RIC8B: variants seen among roughly 807,000 people sequenced by gnomAD.
The protein encoded by RIC8B is chaperone Ric-8B.
Under a neutral mutation model 57.5 loss-of-function variants are expected in RIC8B, and 16 were observed. The observed-to-expected ratio is 0.28, with a 90% CI of 0.19 to 0.42. The LOEUF (loss-of-function observed/expected upper bound fraction) is 0.42, where lower values mean the gene tolerates loss of function less well. Ranked by LOEUF, RIC8B falls within the 10% of genes least tolerant of loss-of-function variation. The pLI, the probability that RIC8B is intolerant of heterozygous loss-of-function variation, is 1.00. For synonymous variants in RIC8B, 216 were observed against 250.8 expected (o/e 0.86, Z 1.31); for missense variants, 481 against 677.0 (o/e 0.71, Z 3.21).
At chr12:106,824,612 T>C (rs766194949) in intron 3 of RIC8B, among the ~76,000 whole-genome samples, 17 of 152,004 alleles carry the variant, frequency 1.1e-4, no homozygotes, top group South Asian at 2.1e-4. Flanking sequence ...TTAAGAAGTT[T>C]TGGCTGGGTG....
At chr12:106,801,793 A>G (rs2136230899) in intron 2 of RIC8B, among the ~76,000 whole-genome samples, 1 of 152,354 alleles carries the variant, frequency 6.6e-6, no homozygotes, top group East Asian at 1.9e-4. Flanking sequence ...TTTGTGAAAT[A>G]CAGTTTTTGA....
chr12:106,811,126 T>C (rs888883976), intron 2 of RIC8B, among the ~76,000 whole-genome samples: 25 of 152,244 alleles, frequency 1.6e-4, no homozygotes, highest in African/African-American at 6.0e-4. Flanking sequence ...AGAAACGTAA[T>C]GTGACAATAG....
At chr12:106,880,601 C>T (rs898530216) in intron 9 of RIC8B, among the ~76,000 whole-genome samples, 1 of 152,062 alleles carries the variant, frequency 6.6e-6, no homozygotes, top group Non-Finnish European at 1.5e-5. Flanking sequence ...GAATTCCAGG[C>T]TGTCTGGTGA....
chr12:106,841,338 A>G (rs915662493), intron 4 of RIC8B, among the ~76,000 whole-genome samples: 3 of 152,148 alleles, frequency 2.0e-5, no homozygotes, highest in Non-Finnish European at 2.9e-5. Flanking sequence ...TAACTTTTCA[A>G]CTGACTTGTT....
chr12:106,879,604 G>A lies in RIC8B; in HGVS notation c.1572-6300G>A. ...GTATCTCCCATCCCTAGCTCTTTAA[G>A]AAATTATTTTTTTGGTTTCCATTAG... On this transcript the variant is annotated intron_variant, in intron 9 of 9. Transcript: ENST00000392837. The surrounding 1 kb of genome is among the most constrained non-coding windows in gnomAD (Gnocchi z 4.9). 1.0e-6 allele frequency: 1 copy of A among 985,262 alleles called. No homozygotes were observed. Among genetic ancestry groups the A allele is most frequent in the South Asian group, 4.7e-5 (1 of 21,278 alleles). 61.0% of individuals were successfully genotyped at this position (985,262 alleles called of 1,614,324 possible). A position where few individuals can be genotyped will look rare whatever the true frequency, so the allele number is the denominator to read the frequency against.
intron 3 of RIC8B, among the ~76,000 whole-genome samples, chr12:106,817,192 C>A (rs1471033358): frequency 6.6e-6 from 1 of 152,162 alleles, no homozygotes; most frequent in Non-Finnish European, 1.5e-5. Flanking sequence ...TAATGCCCTG[C>A]ATTATGTAAT....
At chr12:106,781,463 A>T (rs2043759857) in intron 1 of RIC8B, among the ~76,000 whole-genome samples, 1 of 152,222 alleles carries the variant, frequency 6.6e-6, no homozygotes, top group South Asian at 2.1e-4. Context: ...TGGATAAAAG[A>T]ACCCAGGTTT....
intron 4 of RIC8B, among the ~76,000 whole-genome samples, chr12:106,829,926 CTG>C: frequency 6.6e-6 from 1 of 152,306 alleles, no homozygotes; most frequent in East Asian, 1.9e-4. Flanking sequence ...TGTGGAAAAT[CTG>C]TTTCTCCTGA....
intron 2 of RIC8B, among the ~76,000 whole-genome samples, chr12:106,802,459 T>C (rs1231965597): frequency 6.6e-6 from 1 of 151,738 alleles, no homozygotes; most frequent in Non-Finnish European, 1.5e-5. Context: ...GTCTATTCTA[T>C]TATCTATTCT....
In RIC8B at chr12:106,869,858, G is replaced by T. The variant is rs567385655; in HGVS notation, c.1452-965G>T. 5.3e-4 allele frequency among the ~76,000 whole-genome samples: 81 copies of T among 152,266 alleles called. 1 individual carries two copies. Among genetic ancestry groups the T allele is most frequent in the African/African-American group, 1.9e-3 (78 of 41,570 alleles). Reference sequence around the variant, plus strand: ...GGAGGTTGAGGCAGGAGAATCACTTGAACCCAGGAAGCAGAGGTTGCAGTG... The same window carrying T: ...GGAGGTTGAGGCAGGAGAATCACTTTAACCCAGGAAGCAGAGGTTGCAGTG... On this transcript the variant is annotated intron_variant, in intron 8 of 9. Transcript: ENST00000392837.
intron 7 of RIC8B, among the ~76,000 whole-genome samples, chr12:106,855,647 T>G (rs545492709): frequency 6.6e-6 from 1 of 152,226 alleles, no homozygotes; most frequent in Non-Finnish European, 1.5e-5. Context: ...AGATGTCCTT[T>G]GACCTCTCTT....
At position 106,851,536 on chromosome 12, in the gene RIC8B, T is replaced by C. The variant is rs1278748847; in HGVS notation, c.1248T>C (p.Val416=). ...AGCTGGTGCGCCTCATGACACATGT[T>C]GACCTTGGAGTCAAGCAAATTGCTG... ...RNKLVRLMTH[V]DLGVKQIAAE... Residue 416 remains valine, a synonymous_variant, in exon 7 of 10, where the codon GTT becomes GTC. Coordinates refer to ENST00000392837, the MANE Select transcript of RIC8B (RefSeq NM_001330145.2). 6.2e-7 allele frequency: 1 copy of C among 1,613,454 alleles called. No individual in the cohort carries two copies. The highest frequency in any genetic ancestry group is 1.3e-5 in the African/African-American group (1 of 74,884).
chr12:106,789,160 CAA>C (rs1566038001), intron 2 of RIC8B, among the ~76,000 whole-genome samples: 1 of 152,212 alleles, frequency 6.6e-6, no homozygotes, highest in South Asian at 2.1e-4. Context: ...TAAAACATGA[CAA>C]GAGTCACCTT....
At position 106,879,567 on chromosome 12, in the gene RIC8B, G is replaced by C. The variant is rs1440347163; in HGVS notation, c.1572-6337G>C. On this transcript the variant is annotated intron_variant, in intron 9 of 9. Transcript: ENST00000392837. This position sits in a 1 kb window ranked among gnomAD's most constrained non-coding sequence, Gnocchi z 4.9. Reference sequence around the variant, plus strand: ...AAACAGACCAGAATATTTTAAATATGGTGTAAATTCCGTATCTCCCATCCC... The same window carrying C: ...AAACAGACCAGAATATTTTAAATATCGTGTAAATTCCGTATCTCCCATCCC... 1.0e-6 allele frequency: 1 copy of C among 984,828 alleles called. No homozygotes were observed. Among genetic ancestry groups the C allele is most frequent in the Admixed American group, 6.2e-5 (1 of 16,208 alleles). The allele number at this position is 984,828 out of a possible 1,614,324, so 61.0% of individuals were successfully genotyped here.
intron 9 of RIC8B, among the ~76,000 whole-genome samples, chr12:106,877,053 G>C (rs113647456): frequency 6.6e-6 from 1 of 151,904 alleles, no homozygotes; most frequent in Non-Finnish European, 1.5e-5. Context: ...TCTTAACCAT[G>C]CTGTTTACTG....
At chr12:106,821,206 C>T (rs564551753) in intron 3 of RIC8B, among the ~76,000 whole-genome samples, 2 of 152,286 alleles carry the variant, frequency 1.3e-5, no homozygotes, top group East Asian at 3.9e-4. Flanking sequence ...TAAGGAAAGT[C>T]ACACAGTAGA....
At chr12:106,862,133 C>G (rs959057891) in intron 8 of RIC8B, among the ~76,000 whole-genome samples, 1 of 152,042 alleles carries the variant, frequency 6.6e-6, no homozygotes, top group Non-Finnish European at 1.5e-5. Flanking sequence ...AGTTTCTGTA[C>G]TTAAGCCTTA....
rs144357564 is a variant in RIC8B, at chr12:106,789,651, A to G, written c.132+5607A>G. ...GAACAGTATGGGGGAAACCGCCCCC[A>G]TGATTCAAATTATCTCTCAGCAGGT... On this transcript the variant is annotated intron_variant, in intron 2 of 9. Coordinates refer to ENST00000392837, the MANE Select transcript of RIC8B (RefSeq NM_001330145.2). Among the ~76,000 whole-genome samples, 846 of 152,250 alleles carry G rather than the reference A, an allele frequency of 5.6e-3. 6 individuals carry two copies. Among genetic ancestry groups the G allele is most frequent in the African/African-American group, 0.02 (820 of 41,552 alleles).
chr12:106,843,744 A>AAT, intron 5 of RIC8B, 108 bp from the exon 6 acceptor site: 1 of 596,560 alleles, frequency 1.7e-6, no homozygotes, highest in East Asian at 3.3e-5. Flanking sequence ...AAAAAAAAAA[A>AAT]GTCCCCACCT....
Sources: allele counts gnomAD v4.1 joint callset (sites outside exome capture counted in the v4.1 genomes callset), GRCh38; gene constraint gnomAD v4.1.1; non-coding constraint Gnocchi (gnomAD v3.1); transcripts MANE v1.5; gene names NCBI Gene and HGNC (gene_info 2026-07-23, HGNC 2026-07-21).